ZNG1B: variants seen among roughly 807,000 people sequenced by gnomAD.
ZNG1B encodes zinc-regulated GTPase metalloprotein activator 1B.
At chr2:113,490,201 C>G in the ZNG1B span, among the ~76,000 whole-genome samples, 11 of 152,078 alleles carry the variant, frequency 7.2e-5, no homozygotes, top group Non-Finnish European at 1.2e-4. Context: ...GAAATCAACT[C>G]CAAAAGGAAC....
chr2:113,446,826 A>C, the ZNG1B span, among the ~76,000 whole-genome samples: 1 of 151,564 alleles, frequency 6.6e-6, no homozygotes. Flanking sequence ...ACACACACAC[A>C]CAAGTAGGTA....
At chr2:113,443,553 G>A in the ZNG1B span, among the ~76,000 whole-genome samples, 1 of 141,820 alleles carries the variant, frequency 7.1e-6, no homozygotes, top group African/African-American at 2.7e-5. Flanking sequence ...AGTTTAGGAT[G>A]TGTCTTTTTC....
the ZNG1B span, among the ~76,000 whole-genome samples, chr2:113,439,549 C>A: frequency 6.6e-6 from 1 of 152,146 alleles, no homozygotes; most frequent in Non-Finnish European, 1.5e-5. Flanking sequence ...TTATAAATGT[C>A]AATCCGACTG....
At chr2:113,471,578 C>G in the ZNG1B span, among the ~76,000 whole-genome samples, 1 of 151,326 alleles carries the variant, frequency 6.6e-6, no homozygotes, top group African/African-American at 2.4e-5. Flanking sequence ...GTGCGCTGCA[C>G]CCACTGACTC....
At chr2:113,470,792 G>C in the ZNG1B span, 2 of 544,546 alleles carry the variant, frequency 3.7e-6, no homozygotes, top group Admixed American at 3.5e-5. Flanking sequence ...AAATGTATTT[G>C]AAAAGCTCAT....
At chr2:113,472,506 A>G in the ZNG1B span, among the ~76,000 whole-genome samples, 1 of 151,586 alleles carries the variant, frequency 6.6e-6, no homozygotes, top group Non-Finnish European at 1.5e-5. Context: ...CCCATCTGTC[A>G]ATTTTGGCTT....
the ZNG1B span, among the ~76,000 whole-genome samples, chr2:113,463,938 C>T: frequency 6.6e-6 from 1 of 152,314 alleles, no homozygotes; most frequent in East Asian, 1.9e-4. Context: ...TTTTTTGACA[C>T]TGGTCTCCTA....
At chr2:113,439,734 C>CT in the ZNG1B span, among the ~76,000 whole-genome samples, 4 of 152,036 alleles carry the variant, frequency 2.6e-5, no homozygotes, top group East Asian at 7.7e-4. Context: ...GGAATAGGTA[C>CT]TTTTTTACTG....
chr2:113,440,313 T>TC, the ZNG1B span, among the ~76,000 whole-genome samples: 1 of 152,038 alleles, frequency 6.6e-6, no homozygotes, highest in Non-Finnish European at 1.5e-5. Context: ...GTTTTTTTTT[T>TC]CATAATATGG....
At chr2:113,474,097 G>C in the ZNG1B span, among the ~76,000 whole-genome samples, 1 of 151,812 alleles carries the variant, frequency 6.6e-6, no homozygotes, top group Non-Finnish European at 1.5e-5. Flanking sequence ...GTAGAATTCG[G>C]CTGTGAATCT....
At chr2:113,454,347 G>T in the ZNG1B span, among the ~76,000 whole-genome samples, 1 of 151,860 alleles carries the variant, frequency 6.6e-6, no homozygotes, top group East Asian at 1.9e-4. Context: ...GAAAAGTCTT[G>T]ATTTTGATTA....
chr2:113,457,207 C>A, the ZNG1B span: 1 of 447,200 alleles, frequency 2.2e-6, no homozygotes, highest in Non-Finnish European at 4.5e-6. Context: ...CAGAGAAGGT[C>A]AAGTGAGAGG....
At chr2:113,441,395 CAT>C in the ZNG1B span, 1 of 1,603,694 alleles carries the variant, frequency 6.2e-7, no homozygotes, top group African/African-American at 1.4e-5. Context: ...GACAGAGCAA[CAT>C]AGTAAAAGAG....
chr2:113,474,456 T>C, the ZNG1B span, among the ~76,000 whole-genome samples: 6 of 151,146 alleles, frequency 4.0e-5, no homozygotes, highest in Non-Finnish European at 8.8e-5. Flanking sequence ...ATTCATTAAT[T>C]TTTTTGAAGG....
chr2:113,460,388 A>G, the ZNG1B span, among the ~76,000 whole-genome samples: 3 of 152,314 alleles, frequency 2.0e-5, no homozygotes, highest in South Asian at 2.1e-4. Context: ...ATGTGAATCA[A>G]AGGGGTTTTC....
At chr2:113,471,885 T>G in the ZNG1B span, among the ~76,000 whole-genome samples, 1 of 151,980 alleles carries the variant, frequency 6.6e-6, no homozygotes, top group Non-Finnish European at 1.5e-5. Context: ...TCTATCATTG[T>G]TGGACATTTG....
the ZNG1B span, among the ~76,000 whole-genome samples, chr2:113,456,454 G>GTT: frequency 1.0e-4 from 15 of 145,074 alleles, no homozygotes; most frequent in Admixed American, 4.8e-4. Context: ...AAGACATTTT[G>GTT]TTTTTTTTTT....
At chr2:113,487,044 A>G in the ZNG1B span, among the ~76,000 whole-genome samples, 3 of 151,118 alleles carry the variant, frequency 2.0e-5, no homozygotes, top group South Asian at 4.2e-4. Flanking sequence ...TAGTTTTAAA[A>G]TAGAATATGT....
chr2:113,464,104 T>C, the ZNG1B span, among the ~76,000 whole-genome samples: 2 of 129,628 alleles, frequency 1.5e-5, no homozygotes, highest in African/African-American at 2.9e-5. Context: ...ACTGACAATA[T>C]TGACTATTAG....
Sources: gnomAD v4.1 joint callset for allele counts (sites outside exome capture counted in the v4.1 genomes callset) on GRCh38, gnomAD v4.1.1 for gene constraint, MANE v1.5 for transcripts, NCBI Gene and HGNC (gene_info 2026-07-23, HGNC 2026-07-21) for gene names.